MALRD1: variants seen among roughly 807,000 people sequenced by gnomAD.
MALRD1 encodes MAM and LDL receptor class A domain containing 1, also known as MAM and LDL-receptor class A domain-containing protein 1.
MALRD1 carries 247 observed loss-of-function variants against 242.1 expected under a neutral mutation model. The ratio of observed to expected loss-of-function variants is 1.02; its 90% CI spans 0.92 to 1.13. The LOEUF is 1.13. Among genes scored for constraint, MALRD1 ranks in the 50% most tolerant of loss-of-function variants. The probability of loss-of-function intolerance (pLI) is 0.00; values close to 1 mark genes in which losing one functional copy is unlikely to be tolerated. For synonymous variants in MALRD1, 995 were observed against 866.6 expected, an observed-to-expected ratio of 1.15 and a Z score of -2.60; for missense variants, 2,989 against 2,533.1, an observed-to-expected ratio of 1.18 and a Z score of -3.86.
At chr10:19,096,532 G>T (rs768215019) in intron 4 of MALRD1, among the ~76,000 whole-genome samples, 8 of 152,178 alleles carry the variant, frequency 5.3e-5, no homozygotes, top group Non-Finnish European at 1.0e-4. Flanking sequence ...GTATGCTTTA[G>T]TTCTATCCTG....
At chr10:19,165,267 T>TATATA (rs1564435240) in intron 12 of MALRD1, among the ~76,000 whole-genome samples, 3 of 53,760 alleles carry the variant, frequency 5.6e-5, no homozygotes, top group South Asian at 7.2e-4. Flanking sequence ...ATATATATAT[T>TATATA]TTGTTTTGTT....
intron 31 of MALRD1, among the ~76,000 whole-genome samples, chr10:19,510,651 C>T (rs527493999): frequency 1.3e-5 from 2 of 152,210 alleles, no homozygotes; most frequent in Admixed American, 1.3e-4. Context: ...TACAGATTAA[C>T]AGCATCTCAA....
intron 18 of MALRD1, among the ~76,000 whole-genome samples, chr10:19,227,192 G>A (rs1008494712): frequency 1.3e-5 from 2 of 151,614 alleles, no homozygotes; most frequent in Non-Finnish European, 2.9e-5. Flanking sequence ...AATAGCCAGA[G>A]CATGTTTTAG....
At chr10:19,634,141 A>G (rs989200004) in intron 36 of MALRD1, among the ~76,000 whole-genome samples, 4 of 151,984 alleles carry the variant, frequency 2.6e-5, no homozygotes, top group Non-Finnish European at 2.9e-5. Context: ...CCACCCGGCT[A>G]CACAGTTTCT....
At chr10:19,163,137 T>TAAAAAAAAAAAAAAAAAAAAAAA (rs58034381) in intron 12 of MALRD1, among the ~76,000 whole-genome samples, 2 of 43,834 alleles carry the variant, frequency 4.6e-5, no homozygotes, top group African/African-American at 1.7e-4. Context: ...AAACCCTGTC[T>TAAAAAAAAAAAAAAAAAAAAAAA]AAAAAAAAAA....
chr10:19,112,126 T>G (rs1192027668), intron 5 of MALRD1, among the ~76,000 whole-genome samples: 1 of 151,020 alleles, frequency 6.6e-6, no homozygotes, highest in Non-Finnish European at 1.5e-5. Flanking sequence ...AAATGGAGCC[T>G]GAATTTTAAA....
intron 19 of MALRD1, among the ~76,000 whole-genome samples, chr10:19,270,057 G>GT (rs1840140283): frequency 1.3e-5 from 2 of 152,282 alleles, no homozygotes; most frequent in South Asian, 4.1e-4. Flanking sequence ...GCTCATGCCT[G>GT]TAATCCCAGG....
At chr10:19,446,210 G>C (rs1465578682) in intron 28 of MALRD1, among the ~76,000 whole-genome samples, 3 of 152,140 alleles carry the variant, frequency 2.0e-5, no homozygotes, top group Admixed American at 6.6e-5. Flanking sequence ...CTAGGAAATG[G>C]AATTCCCCAG....
intron 31 of MALRD1, among the ~76,000 whole-genome samples, chr10:19,515,133 T>C (rs189217602): frequency 2.3e-4 from 35 of 152,288 alleles, no homozygotes; most frequent in Middle Eastern, 3.4e-3. Context: ...AACTTTATAC[T>C]TTATAGCTTT....
chr10:19,431,945 T>G (rs1251886966), intron 28 of MALRD1, among the ~76,000 whole-genome samples: 1 of 152,168 alleles, frequency 6.6e-6, no homozygotes, highest in African/African-American at 2.4e-5. Context: ...CCTAAGGCCT[T>G]TTCATTTTTT....
At chr10:19,344,660 A>G (rs1429172944) in intron 24 of MALRD1, among the ~76,000 whole-genome samples, 1 of 151,580 alleles carries the variant, frequency 6.6e-6, no homozygotes, top group African/African-American at 2.4e-5. Context: ...ATATTTTATA[A>G]AAATATATAT....
intron 9 of MALRD1, among the ~76,000 whole-genome samples, chr10:19,134,821 T>C (rs1025061024): frequency 1.3e-5 from 2 of 152,194 alleles, no homozygotes; most frequent in Non-Finnish European, 2.9e-5. Context: ...TTGAGAGTTA[T>C]TCCAGGTTCT....
chr10:19,392,499 TC>T (rs1390498504), intron 28 of MALRD1, among the ~76,000 whole-genome samples: 2 of 152,170 alleles, frequency 1.3e-5, no homozygotes, highest in African/African-American at 4.8e-5. Context: ...CTTAAATGAC[TC>T]CTGTAATAAA....
chr10:19,227,241 T>C (rs1333772519), intron 18 of MALRD1, among the ~76,000 whole-genome samples: 1 of 151,948 alleles, frequency 6.6e-6, no homozygotes, highest in Non-Finnish European at 1.5e-5. Flanking sequence ...TTTCAAGACA[T>C]ATTGTAAAGC....
In MALRD1 at chr10:19,692,274, C is replaced by T. The variant is rs78991042; in HGVS notation, c.6138-8C>T. ...TTTTCCAACTATTTTATTTTATCTC[C>T]TTTCCAGATGTAGACAAGGCTGGAA... is the stretch of plus-strand genomic sequence containing the variant. On this transcript the variant is annotated splice_region_variant and splice_polypyrimidine_tract_variant and intron_variant, in intron 36 of 39. Transcript: ENST00000454679. The T allele has an allele frequency of 3.9e-6, 6 of 1,529,914 alleles. No individual in the cohort carries two copies. Among genetic ancestry groups the T allele is most frequent in the Non-Finnish European group, 5.2e-6 (6 of 1,143,270 alleles). The allele number at this position is 1,529,914 out of a possible 1,614,324, so 94.8% of individuals were successfully genotyped here.
intron 26 of MALRD1, among the ~76,000 whole-genome samples, chr10:19,365,908 A>T (rs769021317): frequency 6.6e-6 from 1 of 151,846 alleles, no homozygotes; most frequent in Non-Finnish European, 1.5e-5. Context: ...CCACCCCAGC[A>T]CTCAGAGGCA....
intron 29 of MALRD1, among the ~76,000 whole-genome samples, chr10:19,465,593 C>T (rs111511150): frequency 1.6e-4 from 25 of 152,212 alleles, no homozygotes; most frequent in Admixed American, 1.0e-3. Context: ...TATAATAGCA[C>T]GATCACAGCT....
At chr10:19,596,511 C>G (rs889198393) in intron 34 of MALRD1, among the ~76,000 whole-genome samples, 2 of 152,030 alleles carry the variant, frequency 1.3e-5, no homozygotes, top group Non-Finnish European at 2.9e-5. Context: ...CGGAGGATCC[C>G]TTGGGCCCAG....
At chr10:19,478,695 T>G (rs1170971415) in intron 29 of MALRD1, among the ~76,000 whole-genome samples, 1 of 152,198 alleles carries the variant, frequency 6.6e-6, no homozygotes, top group African/African-American at 2.4e-5. Flanking sequence ...TTGTTTACCT[T>G]TGCTTTCTGC....
Sources: gnomAD v4.1 joint callset for allele counts (sites outside exome capture counted in the v4.1 genomes callset) on GRCh38, gnomAD v4.1.1 for gene constraint, MANE v1.5 for transcripts, NCBI Gene and HGNC (gene_info 2026-07-23, HGNC 2026-07-21) for gene names.